The following NTRK3 variants were observed in gnomAD, a reference collection of about 807,000 sequenced individuals.
NTRK3 encodes the protein neurotrophic receptor tyrosine kinase 3.
NTRK3 carries 24 observed loss-of-function variants against 91.7 expected under a neutral mutation model. The observed-to-expected ratio is 0.26, with a 90% CI of 0.19 to 0.37. NTRK3 has a LOEUF of 0.37. Ranked by LOEUF, NTRK3 falls within the 10% of genes least tolerant of loss-of-function variation. The probability of loss-of-function intolerance (pLI) is 1.00; values close to 1 mark genes in which losing one functional copy is unlikely to be tolerated. For missense variants in NTRK3, 880 were observed against 1,068.9 expected (o/e 0.82, Z 2.46); for synonymous variants, 483 against 404.0 (o/e 1.20, Z -2.34).
At chr15:88,104,384 T>C (rs1418019423) in intron 13 of NTRK3, among the ~76,000 whole-genome samples, 1 of 152,258 alleles carries the variant, frequency 6.6e-6, no homozygotes, top group African/African-American at 2.4e-5. Flanking sequence ...GAACAACGTT[T>C]ATCTTTCCGA....
intron 13 of NTRK3, among the ~76,000 whole-genome samples, chr15:88,113,466 C>A (rs530528473): frequency 1.3e-5 from 2 of 151,980 alleles, no homozygotes; most frequent in African/African-American, 4.8e-5. Context: ...AAGGTGCACA[C>A]GACCACGCCC....
At chr15:88,035,401 C>T (rs1480431110) in intron 13 of NTRK3, among the ~76,000 whole-genome samples, 1 of 152,194 alleles carries the variant, frequency 6.6e-6, no homozygotes, top group East Asian at 1.9e-4. Context: ...TCAGCCCCTT[C>T]TTCCTGCAAC....
chr15:88,192,625 C>T (rs1253449556), intron 3 of NTRK3, among the ~76,000 whole-genome samples: 5 of 152,172 alleles, frequency 3.3e-5, no homozygotes, highest in African/African-American at 1.2e-4. Flanking sequence ...CACTGGAAGC[C>T]ACCCTCAAGG....
intron 17 of NTRK3, among the ~76,000 whole-genome samples, chr15:87,922,629 C>T (rs1204629648): frequency 1.3e-5 from 2 of 152,222 alleles, no homozygotes; most frequent in Non-Finnish European, 2.9e-5. Flanking sequence ...CTTAGAGTTT[C>T]TGAAGCCCAT....
chr15:87,931,753 C>T (rs1023364277), intron 16 of NTRK3, among the ~76,000 whole-genome samples: 4 of 152,194 alleles, frequency 2.6e-5, no homozygotes, highest in African/African-American at 7.2e-5. Flanking sequence ...TCCAGAGAGT[C>T]CTCCATTCCA....
intron 10 of NTRK3, among the ~76,000 whole-genome samples, chr15:88,133,858 G>A (rs988026638): frequency 2.0e-5 from 3 of 152,108 alleles, no homozygotes; most frequent in Non-Finnish European, 4.4e-5. Context: ...CCGAAAAGAC[G>A]GCTCCATCAT....
chr15:87,987,047 C>A (rs2074872547), intron 14 of NTRK3, among the ~76,000 whole-genome samples: 1 of 152,248 alleles, frequency 6.6e-6, no homozygotes, highest in African/African-American at 2.4e-5. Flanking sequence ...AGTGGACAAG[C>A]AGCATCAGCA....
At chr15:88,200,660 C>A (rs1567634447) in intron 3 of NTRK3, among the ~76,000 whole-genome samples, 2 of 152,288 alleles carry the variant, frequency 1.3e-5, no homozygotes, top group South Asian at 4.1e-4. Flanking sequence ...CCCCTTCTGC[C>A]ATGACTGTAA....
At chr15:88,214,944 C>T (rs56379343) in intron 3 of NTRK3, among the ~76,000 whole-genome samples, 5,893 of 152,268 alleles carry the variant, frequency 0.039, 411 homozygotes, top group African/African-American at 0.13. Context: ...GGATGGGGAA[C>T]TCATGACTTT....
chr15:88,135,328 C>A lies in NTRK3; in HGVS notation c.977G>T (p.Arg326Leu), dbSNP rs764882745. Residue 326 changes from arginine to leucine, a missense_variant, in exon 10 of 19, where the codon CGT (arginine) becomes CTT (leucine). Arg to Leu is a moderately radical substitution (Grantham distance 102). This residue lies in a region of NTRK3 where 743 missense variants were observed against 868.6 expected (regional missense o/e 0.86). Transcript: ENST00000394480. ...GTGCAGCGTTGGTGGGGGGTTGCCA[C>A]GCACCACAAACTCGATGCAGTGCTC... 3 of 1,614,076 alleles carry A rather than the reference C, an allele frequency of 1.9e-6. No homozygotes were observed. In the African/African-American group the frequency reaches 4.0e-5, roughly 22 times the overall value.
intron 14 of NTRK3, among the ~76,000 whole-genome samples, chr15:87,994,526 A>T (rs1439292304): frequency 6.6e-6 from 1 of 152,184 alleles, no homozygotes; most frequent in African/African-American, 2.4e-5. Flanking sequence ...CCTGGAACAG[A>T]TCCTTCCCTA....
At chr15:88,196,454 A>T (rs1253336916) in intron 3 of NTRK3, among the ~76,000 whole-genome samples, 1 of 152,168 alleles carries the variant, frequency 6.6e-6, no homozygotes, top group Non-Finnish European at 1.5e-5. Context: ...GGGCTGCAGG[A>T]GGGAGGCAGG....
chr15:88,112,105 A>C (rs1408476933), intron 13 of NTRK3, among the ~76,000 whole-genome samples: 2 of 152,068 alleles, frequency 1.3e-5, no homozygotes. Flanking sequence ...ACAGGGTTTC[A>C]CAATGTTAGC....
At chr15:88,015,484 G>A (rs1028310582) in intron 14 of NTRK3, among the ~76,000 whole-genome samples, 1 of 151,770 alleles carries the variant, frequency 6.6e-6, no homozygotes, top group Non-Finnish European at 1.5e-5. Flanking sequence ...AAGTTTCCCC[G>A]CAGCGTCCTA....
intron 15 of NTRK3, among the ~76,000 whole-genome samples, chr15:87,934,126 A>G (rs2069053089): frequency 6.6e-6 from 1 of 152,200 alleles, no homozygotes; most frequent in African/African-American, 2.4e-5. Flanking sequence ...GGGCACTGCC[A>G]TGGGCCCAGC....
intron 3 of NTRK3, among the ~76,000 whole-genome samples, chr15:88,187,248 G>A (rs1333012274): frequency 6.6e-6 from 1 of 152,196 alleles, no homozygotes; most frequent in Non-Finnish European, 1.5e-5. Context: ...ATGGCCTCCA[G>A]GAAAACTGTT....
intron 17 of NTRK3, among the ~76,000 whole-genome samples, chr15:87,914,417 G>C (rs1305860308): frequency 6.6e-6 from 1 of 152,108 alleles, no homozygotes; most frequent in African/African-American, 2.4e-5. Flanking sequence ...CGCATACTCA[G>C]AGTCCCCACA....
intron 13 of NTRK3, among the ~76,000 whole-genome samples, chr15:88,065,588 C>T (rs1296053515): frequency 6.6e-6 from 1 of 152,150 alleles, no homozygotes; most frequent in East Asian, 1.9e-4. Flanking sequence ...CTACCAGATG[C>T]CATCTGGATG....
intron 15 of NTRK3, among the ~76,000 whole-genome samples, chr15:87,935,718 T>C (rs553415838): frequency 6.6e-6 from 1 of 152,302 alleles, no homozygotes; most frequent in Non-Finnish European, 1.5e-5. Context: ...TAAATCATTC[T>C]CTCCCACAGT....
Sources: allele counts gnomAD v4.1 joint callset (sites outside exome capture counted in the v4.1 genomes callset), GRCh38; gene constraint gnomAD v4.1.1; regional missense constraint gnomAD v4.1.1; transcripts MANE v1.5; gene names NCBI Gene and HGNC (gene_info 2026-07-23, HGNC 2026-07-21).